The following CPA6 variants were observed in gnomAD, a reference collection of about 807,000 sequenced individuals.
CPA6 encodes the protein carboxypeptidase A6, also known as carboxypeptidase B.
In CPA6, 58 loss-of-function variants were observed where a neutral mutation model predicts 63.3. That is an observed-to-expected ratio of 0.92 (90% CI 0.74 to 1.14). The LOEUF is 1.14. CPA6 is among the 50% of genes most tolerant of loss of function. The pLI is 0.00. For missense variants in CPA6, 565 were observed against 526.6 expected (o/e 1.07, Z -0.71); for synonymous variants, 185 against 179.0 (o/e 1.03, Z -0.27).
rs748998712 is a variant in CPA6 at position 67,746,142 on chromosome 8, A to C, written c.-13T>G. 6.3e-7 allele frequency: 1 copy of C among 1,598,234 alleles called. No homozygotes were observed. Among genetic ancestry groups the C allele is most frequent in the African/African-American group, 1.3e-5 (1 of 74,572 alleles). On this transcript the variant is annotated 5_prime_UTR_variant, in exon 1 of 11. Coordinates refer to ENST00000297770, the MANE Select transcript of CPA6 (RefSeq NM_020361.5). ...CGAGACACTTCATAGTGTTAAGAAG[A>C]GAGGAGTTGAAAGTTACTTAAGCAG...
At position 67,746,049 on chromosome 8, in the gene CPA6, C is replaced by T. The variant is rs369835154; in HGVS notation, c.81G>A (p.Pro27=). 57 of 1,613,548 alleles carry T rather than the reference C, an allele frequency of 3.5e-5. No homozygotes were observed. Among genetic ancestry groups the T allele is most frequent in the African/African-American group, 5.3e-5 (4 of 74,890 alleles). Residue 27 remains proline (P), a synonymous_variant, in exon 1 of 11, where the codon CCG becomes CCA. Coordinates refer to ENST00000297770, the MANE Select transcript of CPA6 (RefSeq NM_020361.5). Reference sequence around the variant, plus strand: ...GGTTGTTATAAAGGTGGCTGTGCCCCGGTTGCAGAATCTTCAAAAAGAGCC... The same window carrying T: ...GGTTGTTATAAAGGTGGCTGTGCCCTGGTTGCAGAATCTTCAAAAAGAGCC... ...LCWLFLKILQ[P]GHSHLYNNRY...
At chr8:67,526,920 C>T (rs974905681) in intron 2 of CPA6, among the ~76,000 whole-genome samples, 1 of 152,084 alleles carries the variant, frequency 6.6e-6, no homozygotes, top group Non-Finnish European at 1.5e-5. Context: ...AACTTAGCAG[C>T]CCCCCAAGAA....
chr8:67,504,141 C>T (rs879764612), intron 6 of CPA6, among the ~76,000 whole-genome samples: 2 of 152,192 alleles, frequency 1.3e-5, no homozygotes, highest in Admixed American at 1.3e-4. Context: ...ACCCTGACAT[C>T]AGTGTGGGGT....
At chr8:67,729,914 A>G (rs1303785618) in intron 1 of CPA6, among the ~76,000 whole-genome samples, 1 of 152,206 alleles carries the variant, frequency 6.6e-6, no homozygotes, top group East Asian at 1.9e-4. Flanking sequence ...ACGGGCCCCA[A>G]TTTGGCCATT....
chr8:67,619,090 G>A (rs1370347027), intron 2 of CPA6, among the ~76,000 whole-genome samples: 4 of 152,274 alleles, frequency 2.6e-5, no homozygotes, highest in Non-Finnish European at 4.4e-5. Flanking sequence ...CTCAGATTCC[G>A]TTCAACATGC....
intron 9 of CPA6, among the ~76,000 whole-genome samples, chr8:67,429,059 T>C (rs1283596630): frequency 2.6e-5 from 4 of 152,178 alleles, no homozygotes; most frequent in African/African-American, 4.8e-5. Context: ...TGACTTCTCT[T>C]AATGCTATGT....
chr8:67,638,523 AC>A (rs1815520680), intron 1 of CPA6, among the ~76,000 whole-genome samples: 1 of 151,438 alleles, frequency 6.6e-6, no homozygotes, highest in South Asian at 2.1e-4. Context: ...TGCTCAAGTC[AC>A]CCCTGCAGAA....
At chr8:67,562,174 T>C (rs143589566) in intron 2 of CPA6, among the ~76,000 whole-genome samples, 2,316 of 152,328 alleles carry the variant, frequency 0.015, 19 homozygotes, top group Middle Eastern at 0.051. Context: ...GCTAGTTCTT[T>C]AGATGAGCTT....
intron 2 of CPA6, among the ~76,000 whole-genome samples, chr8:67,550,096 G>T (rs1224094772): frequency 6.6e-6 from 1 of 152,162 alleles, no homozygotes; most frequent in African/African-American, 2.4e-5. Context: ...TGTTACCTGG[G>T]TATATGGTGT....
At chr8:67,658,108 T>C (rs1212795659) in intron 1 of CPA6, among the ~76,000 whole-genome samples, 3 of 152,206 alleles carry the variant, frequency 2.0e-5, no homozygotes, top group African/African-American at 7.2e-5. Flanking sequence ...CAGCGAATAC[T>C]CTTCCCTACC....
intron 2 of CPA6, among the ~76,000 whole-genome samples, chr8:67,532,061 T>G (rs1019702668): frequency 6.6e-6 from 1 of 152,004 alleles, no homozygotes; most frequent in African/African-American, 2.4e-5. Flanking sequence ...GAAAACTTGA[T>G]GAATTGTATG....
intron 2 of CPA6, among the ~76,000 whole-genome samples, chr8:67,606,099 G>GC (rs1814629589): frequency 6.8e-6 from 1 of 146,904 alleles, no homozygotes; most frequent in African/African-American, 2.5e-5. Flanking sequence ...AACAAACACC[G>GC]CATGTTCTCA....
chr8:67,556,507 C>T (rs933457501), intron 2 of CPA6, among the ~76,000 whole-genome samples: 1 of 152,168 alleles, frequency 6.6e-6, no homozygotes, highest in Non-Finnish European at 1.5e-5. Context: ...CAGCTCAGAA[C>T]TTAGAGAGGA....
At chr8:67,458,590 G>A (rs186072529) in intron 8 of CPA6, among the ~76,000 whole-genome samples, 91 of 152,300 alleles carry the variant, frequency 6.0e-4, no homozygotes, top group Non-Finnish European at 1.2e-3. Flanking sequence ...TCTGTTCTGC[G>A]AAAGACAATG....
chr8:67,658,014 G>A (rs1193408343), intron 1 of CPA6, among the ~76,000 whole-genome samples: 1 of 152,120 alleles, frequency 6.6e-6, no homozygotes, highest in Non-Finnish European at 1.5e-5. Context: ...CCACATGCTG[G>A]TTTTTCAGCC....
intron 2 of CPA6, among the ~76,000 whole-genome samples, chr8:67,572,814 G>A (rs780417609): frequency 6.6e-5 from 10 of 152,096 alleles, no homozygotes; most frequent in Admixed American, 1.3e-4. Context: ...CACCAAGGCC[G>A]GACAAAAATA....
At chr8:67,620,994 C>A (rs763102187) in intron 2 of CPA6, among the ~76,000 whole-genome samples, 21 of 152,204 alleles carry the variant, frequency 1.4e-4, no homozygotes, top group Non-Finnish European at 2.4e-4. Context: ...TGAACACTTA[C>A]TTTTCTTCTG....
intron 2 of CPA6, among the ~76,000 whole-genome samples, chr8:67,615,930 G>A (rs146655332): frequency 8.5e-5 from 13 of 152,332 alleles, no homozygotes; most frequent in African/African-American, 2.9e-4. Context: ...AGGCGCTTAG[G>A]TGAGAAATTA....
chr8:67,474,758 T>G (rs1811137509), intron 8 of CPA6, among the ~76,000 whole-genome samples: 1 of 152,098 alleles, frequency 6.6e-6, no homozygotes, highest in South Asian at 2.1e-4. Context: ...GAAGGATCGT[T>G]TAAGCCCAGG....
Sources: allele counts gnomAD v4.1 joint callset (sites outside exome capture counted in the v4.1 genomes callset), GRCh38; gene constraint gnomAD v4.1.1; transcripts MANE v1.5; gene names NCBI Gene and HGNC (gene_info 2026-07-23, HGNC 2026-07-21).